Variants in ZNF804B observed in about 807,000 individuals in gnomAD.
ZNF804B encodes zinc finger 804B.
In ZNF804B, 80 loss-of-function variants were observed where a neutral mutation model predicts 101.4. The ratio of observed to expected loss-of-function variants is 0.79; its 90% CI spans 0.66 to 0.95. ZNF804B has a LOEUF of 0.95. Among genes scored for constraint, ZNF804B ranks in the 40% least tolerant of loss-of-function variants. The pLI, the probability that ZNF804B is intolerant of heterozygous loss-of-function variation, is 0.00. For missense variants in ZNF804B, 1,673 were observed against 1,561.9 expected (o/e 1.07, Z -1.20); for synonymous variants, 622 against 558.8 (o/e 1.11, Z -1.59).
chr7:89,074,668 G>C (rs1271896857), intron 1 of ZNF804B, among the ~76,000 whole-genome samples: 2 of 152,218 alleles, frequency 1.3e-5, no homozygotes, highest in African/African-American at 4.8e-5. Flanking sequence ...GGTACCAGTA[G>C]AGTGGGGTGC....
chr7:88,979,002 T>C (rs1793658076), intron 1 of ZNF804B, among the ~76,000 whole-genome samples: 1 of 151,958 alleles, frequency 6.6e-6, no homozygotes, highest in South Asian at 2.1e-4. Context: ...CATTATTTTA[T>C]ACTATTGACA....
At chr7:89,161,957 T>C (rs1450725536) in intron 1 of ZNF804B, among the ~76,000 whole-genome samples, 1 of 144,874 alleles carries the variant, frequency 6.9e-6, no homozygotes, top group Non-Finnish European at 1.5e-5. Context: ...AGCATGTTGA[T>C]AATGATCTAC....
chr7:89,165,800 T>C (rs956054593), intron 1 of ZNF804B, among the ~76,000 whole-genome samples: 2 of 152,084 alleles, frequency 1.3e-5, no homozygotes, highest in African/African-American at 4.8e-5. Context: ...AACTAGGAAG[T>C]AAAACAAGCC....
intron 1 of ZNF804B, among the ~76,000 whole-genome samples, chr7:88,787,844 C>T (rs1020412815): frequency 3.3e-5 from 5 of 151,996 alleles, no homozygotes; most frequent in Non-Finnish European, 5.9e-5. Flanking sequence ...AGAAACATGA[C>T]ATAACTGAGA....
chr7:89,128,767 T>C (rs1257973235), intron 1 of ZNF804B, among the ~76,000 whole-genome samples: 1 of 152,096 alleles, frequency 6.6e-6, no homozygotes, highest in East Asian at 1.9e-4. Flanking sequence ...TCACTATCTT[T>C]GCATTTCATT....
chr7:89,104,108 G>A (rs1790099066), intron 1 of ZNF804B, among the ~76,000 whole-genome samples: 1 of 151,916 alleles, frequency 6.6e-6, no homozygotes, highest in Non-Finnish European at 1.5e-5. Flanking sequence ...TTGTCTTTTT[G>A]ATGTACTGTT....
intron 1 of ZNF804B, among the ~76,000 whole-genome samples, chr7:89,088,358 G>T (rs1177225312): frequency 1.3e-5 from 2 of 151,884 alleles, no homozygotes; most frequent in Admixed American, 6.6e-5. Flanking sequence ...AGCTGAGAAT[G>T]AGATCTGGAA....
At chr7:89,120,866 A>T (rs1790393830) in intron 1 of ZNF804B, among the ~76,000 whole-genome samples, 1 of 152,174 alleles carries the variant, frequency 6.6e-6, no homozygotes, top group Non-Finnish European at 1.5e-5. Context: ...GCTTTTCAAT[A>T]GAGGTAGACG....
chr7:88,764,403 G>A (rs1403998099), intron 1 of ZNF804B, among the ~76,000 whole-genome samples: 1 of 151,982 alleles, frequency 6.6e-6, no homozygotes, highest in African/African-American at 2.4e-5. Flanking sequence ...GAAATTTTGG[G>A]GATTGTCATC....
At chr7:89,228,531 A>T (rs1423845652) in intron 2 of ZNF804B, among the ~76,000 whole-genome samples, 2 of 152,106 alleles carry the variant, frequency 1.3e-5, no homozygotes, top group Non-Finnish European at 2.9e-5. Flanking sequence ...GAGTAGCTAG[A>T]TACAGAGTGT....
intron 1 of ZNF804B, among the ~76,000 whole-genome samples, chr7:88,907,759 A>G (rs1792494895): frequency 6.6e-6 from 1 of 151,964 alleles, no homozygotes; most frequent in Non-Finnish European, 1.5e-5. Context: ...CATGTGTTTG[A>G]ATTTTAACTT....
At chr7:89,218,391 G>A (rs554401390) in intron 2 of ZNF804B, 96 bp downstream of exon 2, 1 of 1,390,738 alleles carries the variant, frequency 7.2e-7, no homozygotes, top group Admixed American at 2.2e-5. Flanking sequence ...ATATAAGACT[G>A]TGAGGTAAGA....
chr7:89,016,372 T>C (rs1788557773), intron 1 of ZNF804B, among the ~76,000 whole-genome samples: 1 of 150,694 alleles, frequency 6.6e-6, no homozygotes, highest in Admixed American at 6.6e-5. Flanking sequence ...TTGGCTTTTG[T>C]TGCCATTGCT....
At chr7:88,991,585 A>G (rs772468716) in intron 1 of ZNF804B, among the ~76,000 whole-genome samples, 11 of 152,174 alleles carry the variant, frequency 7.2e-5, no homozygotes, top group Non-Finnish European at 1.6e-4. Flanking sequence ...AATCTAACCT[A>G]CAACATGAGA....
rs1188792034 is a variant in ZNF804B, at chr7:89,156,031, T to TC, written c.109-62123dup. 5.0e-3 allele frequency among the ~76,000 whole-genome samples: 268 copies of TC among 54,092 alleles called. 3 individuals are homozygous for TC. Among genetic ancestry groups the TC allele is most frequent in the East Asian group, 0.041 (122 of 2,946 alleles). The allele number at this position is 54,092 out of a possible 152,430, so 35.5% of individuals were successfully genotyped here. A position where few individuals can be genotyped will look rare whatever the true frequency, so the allele number is the denominator to read the frequency against. ...TCTTTCTCTCTTTCCTTTCTTTCTT[T>TC]CTTTCTTTCTTTCTTTCTTTCTTTC... On this transcript the variant is annotated intron_variant, in intron 1 of 3. Coordinates refer to ENST00000333190, the MANE Select transcript of ZNF804B (RefSeq NM_181646.5).
At chr7:88,854,708 C>G (rs1472665033) in intron 1 of ZNF804B, among the ~76,000 whole-genome samples, 5 of 149,638 alleles carry the variant, frequency 3.3e-5, no homozygotes, top group Non-Finnish European at 7.4e-5. Context: ...CACCCATTAA[C>G]TCATCATTTA....
chr7:89,328,581 T>C (rs1381037240), intron 3 of ZNF804B, among the ~76,000 whole-genome samples: 1 of 151,820 alleles, frequency 6.6e-6, no homozygotes, highest in Non-Finnish European at 1.5e-5. Context: ...ACTTACAATA[T>C]GTTGTGCAAA....
intron 1 of ZNF804B, among the ~76,000 whole-genome samples, chr7:88,873,393 T>C (rs1246775546): frequency 1.3e-5 from 2 of 152,188 alleles, no homozygotes; most frequent in East Asian, 1.9e-4. Context: ...GAGTAGGTTG[T>C]GAAAATGTTC....
At chr7:89,009,777 C>T (rs866740182) in intron 1 of ZNF804B, among the ~76,000 whole-genome samples, 1 of 152,194 alleles carries the variant, frequency 6.6e-6, no homozygotes, top group Non-Finnish European at 1.5e-5. Flanking sequence ...TCTTGGACTT[C>T]CCAGCCTCCA....
Sources: allele counts gnomAD v4.1 joint callset (sites outside exome capture counted in the v4.1 genomes callset), GRCh38; gene constraint gnomAD v4.1.1; transcripts MANE v1.5; gene names NCBI Gene and HGNC (gene_info 2026-07-23, HGNC 2026-07-21).